TRRAP: variants seen among roughly 807,000 people sequenced by gnomAD.
TRRAP encodes transformation/transcription domain-associated protein.
TRRAP carries 41 observed loss-of-function variants against 438.8 expected under a neutral mutation model. The ratio of observed to expected loss-of-function variants is 0.09; its 90% CI spans 0.07 to 0.12. The LOEUF (loss-of-function observed/expected upper bound fraction) is 0.12. Among genes scored for constraint, TRRAP ranks in the 10% least tolerant of loss-of-function variants. The pLI, the probability that TRRAP is intolerant of heterozygous loss-of-function variation, is 1.00. For missense variants in TRRAP, 3,122 were observed against 5,055.1 expected (o/e 0.62, Z 11.60); for synonymous variants, 1,994 against 1,962.9 (o/e 1.02, Z -0.42).
At chr7:98,934,259 G>A (rs960604119) in intron 27 of TRRAP, among the ~76,000 whole-genome samples, 3 of 152,184 alleles carry the variant, frequency 2.0e-5, no homozygotes, top group South Asian at 2.1e-4. Flanking sequence ...AGAGTATACC[G>A]CGGCAAAAAT....
chr7:98,921,786 A>G lies in TRRAP; in HGVS notation c.2656A>G (p.Ser886Gly). ...LWRTLRNPAD[S>G]ISHVAYRVLG... ...GCGCACCTTACGCAACCCTGCTGAC[A>G]GCATCTCCCACGTGGCCTACCGTGT... Residue 886 changes from serine to glycine, a missense_variant, in exon 21 of 73, where the codon AGC becomes GGC. By Grantham distance (56) the Ser-to-Gly change is moderately conservative. This residue lies in a region of TRRAP where 133 missense variants were observed against 188.6 expected (regional missense o/e 0.71). Coordinates refer to ENST00000456197, the MANE Select transcript of TRRAP (RefSeq NM_001375524.1). The G allele has an allele frequency of 6.2e-7, 1 of 1,614,216 alleles. No homozygotes were observed. The highest frequency in any genetic ancestry group is 8.5e-7 in the Non-Finnish European group (1 of 1,180,034).
chr7:98,965,918 G>A, intron 49 of TRRAP, 23 bp downstream of exon 49: 1 of 1,612,620 alleles, frequency 6.2e-7, no homozygotes, highest in East Asian at 2.2e-5. Context: ...GGTGTGCCAT[G>A]TGATCTCCCT....
chr7:98,975,274 C>T (rs528113494), intron 53 of TRRAP, among the ~76,000 whole-genome samples: 2 of 152,314 alleles, frequency 1.3e-5, no homozygotes, highest in East Asian at 3.9e-4. Flanking sequence ...CCCATGGTTT[C>T]CCCCTTGGGT....
At position 98,911,202 on chromosome 7, in the gene TRRAP, G is replaced by A. The variant is rs782311635; in HGVS notation, c.1938G>A (p.Thr646=). The change falls in exon 17 of 73, where the codon ACG becomes ACA. Residue 646 remains threonine (T), a synonymous_variant. Transcript: ENST00000456197. ...TGTTCACAATGATGAACCCCTTAAC[G>A]TTCAAAGAAATCTTCCAAACTACGG... is the stretch of plus-strand genomic sequence containing the variant. ...AGVFTMMNPL[T]FKEIFQTTVP... 2.5e-5 allele frequency: 40 copies of A among 1,614,022 alleles called. No homozygotes were observed. In the Admixed American group the frequency reaches 2.5e-4, roughly 10 times the overall value.
In TRRAP at chr7:98,950,242, G is replaced by A. The variant is rs145834316; in HGVS notation, c.5314G>A (p.Gly1772Arg). The A allele has an allele frequency of 6.8e-6, 11 of 1,614,058 alleles. No individual in the cohort carries two copies. Among genetic ancestry groups the A allele is most frequent in the East Asian group, 2.2e-5 (1 of 44,902 alleles). Residue 1772 changes from glycine (G) to arginine (R), a missense_variant, in exon 38 of 73, where the codon GGA becomes AGA. By Grantham distance (125) the Gly-to-Arg change is moderately radical. This residue lies in a region of TRRAP where 272 missense variants were observed against 348.5 expected (regional missense o/e 0.78). Transcript: ENST00000456197. Reference sequence around the variant, plus strand: ...TGTAGACTTCAACGACCCCAACTTCGGAGATGAATTAAAAGCTAAAGTGAG... The same window carrying A: ...TGTAGACTTCAACGACCCCAACTTCAGAGATGAATTAAAAGCTAAAGTGAG... The part of the protein sequence containing the change: ...RFVDFNDPNF[G>R]DELKAKVLQH...
At chr7:98,940,681 G>C (rs1269675700) in intron 30 of TRRAP, among the ~76,000 whole-genome samples, 1 of 152,154 alleles carries the variant, frequency 6.6e-6, no homozygotes, top group Non-Finnish European at 1.5e-5. Flanking sequence ...TCTCTGAGTG[G>C]TTCAAACTGG....
At chr7:98,881,765 A>G (rs782126238) in intron 2 of TRRAP, 28 of 527,248 alleles carry the variant, frequency 5.3e-5, no homozygotes, top group African/African-American at 4.6e-4. Flanking sequence ...GTGTGTGTGT[A>G]TATGCTTGTC....
Position 98,924,769 on chromosome 7 carries a change from C to T in TRRAP, c.2824-343C>T, listed in dbSNP as rs570479919. 5.1e-4 allele frequency among the ~76,000 whole-genome samples: 76 copies of T among 148,072 alleles called. 1 individual carries two copies. The highest frequency in any genetic ancestry group is 1.6e-3 in the East Asian group (8 of 4,912). On this transcript the variant is annotated intron_variant, in intron 21 of 72. Transcript: ENST00000456197. ...CTGTTATCCCAGCACTTTGGGAGGC[C>T]GAGGCGGGCAGATCACGAGGTCAGG...
At chr7:98,913,768 A>G (rs1053951029) in intron 18 of TRRAP, among the ~76,000 whole-genome samples, 5 of 152,216 alleles carry the variant, frequency 3.3e-5, no homozygotes, top group South Asian at 2.1e-4. Flanking sequence ...GACTAATCCT[A>G]TGTAATTGGA....
At chr7:98,916,884 T>C (rs568767099) in intron 19 of TRRAP, among the ~76,000 whole-genome samples, 1 of 152,266 alleles carries the variant, frequency 6.6e-6, no homozygotes, top group South Asian at 2.1e-4. Context: ...TCCTTCATCC[T>C]GCCTTCCTGT....
At chr7:98,949,226 C>T (rs1405810271) in intron 35 of TRRAP, among the ~76,000 whole-genome samples, 191 bp from the exon 36 acceptor site, 2 of 151,428 alleles carry the variant, frequency 1.3e-5, no homozygotes, top group Non-Finnish European at 1.5e-5. Flanking sequence ...ACCCAAGACT[C>T]TGTCTCTTTT....
At chr7:98,980,290 G>T (rs1792854613) in intron 58 of TRRAP, among the ~76,000 whole-genome samples, 1 of 152,100 alleles carries the variant, frequency 6.6e-6, no homozygotes, top group East Asian at 1.9e-4. Flanking sequence ...CCCTTTTATT[G>T]TTATTTATTG....
intron 63 of TRRAP, among the ~76,000 whole-genome samples, chr7:98,989,330 C>T (rs1793285867): frequency 6.8e-6 from 1 of 147,810 alleles, no homozygotes; most frequent in Non-Finnish European, 1.5e-5. Context: ...GTTGTCAGCA[C>T]AGCCACAGAG....
chr7:98,970,253 G>C lies in TRRAP; in HGVS notation c.7654G>C (p.Glu2552Gln). The C allele has an allele frequency of 6.2e-7, 1 of 1,613,338 alleles. No homozygotes were observed. Among genetic ancestry groups the C allele is most frequent in the Non-Finnish European group, 8.5e-7 (1 of 1,180,010 alleles). The change falls in exon 52 of 73, where the codon GAG (glutamate) becomes CAG (glutamine). Residue 2552 changes from glutamate (E) to glutamine (Q), a missense_variant. Glu to Gln is a conservative substitution (Grantham distance 29). Around this residue, in one of 24 missense-constraint regions of TRRAP, gnomAD observed 992 missense variants for 1,281.2 expected, o/e 0.77. Transcript: ENST00000456197. Reference sequence around the variant, plus strand: ...CGCCATGGTCACACATGTCAAGCAGGAGCCCCGGGAGCGGGAGAACAGCGA... The same window carrying C: ...CGCCATGGTCACACATGTCAAGCAGCAGCCCCGGGAGCGGGAGAACAGCGA... ...AFAMVTHVKQ[E>Q]PRERENSESK...
At chr7:98,937,517 AAT>A (rs1321915853) in intron 29 of TRRAP, 131 bp from the exon 30 acceptor site, 2 of 1,150,372 alleles carry the variant, frequency 1.7e-6, no homozygotes, top group Non-Finnish European at 1.2e-6. Context: ...AAATTTCTGA[AAT>A]AGTATATGAT....
Position 98,917,695 on chromosome 7 carries a change from G to A in TRRAP, c.2622+16G>A, listed in dbSNP as rs782170294. 1.2e-6 allele frequency: 2 copies of A among 1,608,550 alleles called. No individual in the cohort carries two copies. The highest frequency in any genetic ancestry group is 4.5e-5 in the East Asian group (2 of 44,710). ...GCTCATGCAGGTAGGATTTTAGTGA[G>A]GTTGTTAGCTGGCTGCTTCCCTGGA... On this transcript the variant is annotated intron_variant, in intron 20 of 72. Transcript: ENST00000456197.
Position 98,925,029 on chromosome 7 carries a change from G to T in TRRAP, c.2824-83G>T, listed in dbSNP as rs905723855. On this transcript the variant is annotated intron_variant, in intron 21 of 72. Coordinates refer to ENST00000456197, the MANE Select transcript of TRRAP (RefSeq NM_001375524.1). ...CAAAAAAAAAAAAAGATTCTTCTGG[G>T]TGCTGCAGATGCTTTCAGTGAAAGC... 3.3e-6 allele frequency: 5 copies of T among 1,512,400 alleles called. No individual in the cohort carries two copies. The East Asian group carries it at 1.1e-4, about 35-fold the overall frequency. 93.7% of individuals were successfully genotyped at this position (1,512,400 alleles called of 1,614,324 possible).
At chr7:98,975,292 A>G (rs1792605716) in intron 53 of TRRAP, among the ~76,000 whole-genome samples, 2 of 152,220 alleles carry the variant, frequency 1.3e-5, no homozygotes, top group Non-Finnish European at 2.9e-5. Context: ...GGTTTGCTGC[A>G]GGACAAATGA....
intron 10 of TRRAP, 37 bp from the exon 11 acceptor site, chr7:98,900,587 A>G (rs782648380): frequency 1.3e-6 from 2 of 1,543,358 alleles, no homozygotes; most frequent in Non-Finnish European, 8.9e-7. Context: ...CATCACTCAT[A>G]ATTGAGAGGT....
Sources: gnomAD v4.1 joint callset for allele counts (sites outside exome capture counted in the v4.1 genomes callset) on GRCh38, gnomAD v4.1.1 for gene constraint, gnomAD v4.1.1 regional missense constraint, MANE v1.5 for transcripts, NCBI Gene and HGNC (gene_info 2026-07-23, HGNC 2026-07-21) for gene names.